The following LSAMP variants were observed in gnomAD, a reference collection of about 807,000 sequenced individuals.
LSAMP encodes limbic system associated membrane protein.
A neutral mutation model predicts 38.6 loss-of-function variants in LSAMP; 7 were observed. The ratio of observed to expected loss-of-function variants is 0.18; its 90% CI spans 0.10 to 0.34. The LOEUF is 0.34. Ranked by LOEUF, LSAMP falls within the 10% of genes least tolerant of loss-of-function variation. The pLI is 1.00. For synonymous variants in LSAMP, 154 were observed against 166.8 expected, an observed-to-expected ratio of 0.92 and a Z score of 0.59; for missense variants, 313 against 420.0, an observed-to-expected ratio of 0.75 and a Z score of 2.23.
At chr3:116,413,687 A>G (rs934480522) in intron 1 of LSAMP, among the ~76,000 whole-genome samples, 1 of 152,116 alleles carries the variant, frequency 6.6e-6, no homozygotes, top group Non-Finnish European at 1.5e-5. Context: ...GCCACTCTGC[A>G]TCAAAGGGTA....
chr3:116,019,376 T>A, intron 3 of LSAMP, 139 bp downstream of exon 3: 1 of 1,027,144 alleles, frequency 9.7e-7, no homozygotes, highest in Non-Finnish European at 1.4e-6. Context: ...AATAACAAGA[T>A]AGATGCATGA....
intron 3 of LSAMP, among the ~76,000 whole-genome samples, chr3:115,927,360 C>T (rs1469193750): frequency 6.6e-6 from 1 of 152,202 alleles, no homozygotes; most frequent in Non-Finnish European, 1.5e-5. Flanking sequence ...ATATTCACCA[C>T]ACTCTGAAAT....
rs116730219 is a variant in LSAMP at position 115,986,316 on chromosome 3, T to C, written c.514+33199A>G. Among the ~76,000 whole-genome samples the C allele has an allele frequency of 8.1e-3, 1,238 of 152,168 alleles. 18 individuals carry two copies. The highest frequency in any genetic ancestry group is 0.028 in the African/African-American group (1,143 of 41,526). Reference sequence around the variant, plus strand: ...ATGCTTGAGAGCTATTTGAGTTAACTGAGTTCAAAAGAACATTGAGCATAG... The same window carrying C: ...ATGCTTGAGAGCTATTTGAGTTAACCGAGTTCAAAAGAACATTGAGCATAG... On this transcript the variant is annotated intron_variant, in intron 3 of 6. Coordinates refer to ENST00000490035, the MANE Select transcript of LSAMP (RefSeq NM_002338.5).
At chr3:115,821,535 C>G (rs1405074565) in intron 6 of LSAMP, among the ~76,000 whole-genome samples, 1 of 148,892 alleles carries the variant, frequency 6.7e-6, no homozygotes, top group Non-Finnish European at 1.5e-5. Context: ...CCTGCTGCAG[C>G]CATTTGAAAA....
intron 3 of LSAMP, among the ~76,000 whole-genome samples, chr3:115,940,847 A>C (rs139501712): frequency 6.6e-6 from 1 of 152,258 alleles, no homozygotes; most frequent in Non-Finnish European, 1.5e-5. Context: ...TTCGTAATAT[A>C]GTTTGAAATC....
intron 1 of LSAMP, among the ~76,000 whole-genome samples, chr3:116,276,328 A>T (rs774180278): frequency 6.6e-6 from 1 of 152,258 alleles, no homozygotes; most frequent in Non-Finnish European, 1.5e-5. Flanking sequence ...ATTAGTCAAC[A>T]TTCAGAACGT....
intron 1 of LSAMP, among the ~76,000 whole-genome samples, chr3:116,399,234 T>G (rs184796235): frequency 1.2e-4 from 19 of 152,268 alleles, no homozygotes; most frequent in South Asian, 1.2e-3. Flanking sequence ...AGCAATTAAA[T>G]AATTGTAAGA....
intron 3 of LSAMP, among the ~76,000 whole-genome samples, chr3:116,013,261 A>G (rs1238264848): frequency 6.6e-6 from 1 of 152,198 alleles, no homozygotes; most frequent in African/African-American, 2.4e-5. Context: ...AATGACTTAA[A>G]GGCTGACCAT....
chr3:116,064,265 C>T (rs1430606495), intron 2 of LSAMP, among the ~76,000 whole-genome samples: 1 of 152,144 alleles, frequency 6.6e-6, no homozygotes, highest in African/African-American at 2.4e-5. Context: ...GTGGCTCACG[C>T]CTGTAATCCC....
chr3:116,293,405 A>AC lies in LSAMP; in HGVS notation c.155+151471dup, dbSNP rs1253814904. On this transcript the variant is annotated intron_variant, in intron 1 of 6. Coordinates refer to ENST00000490035, the MANE Select transcript of LSAMP (RefSeq NM_002338.5). ...GTTTTATTTTCTATTTTCATTAAAT[A>AC]CTTTTTTTTAAAGGTGAGAAACAAA... Among the ~76,000 whole-genome samples the AC allele has an allele frequency of 7.9e-5, 12 of 152,300 alleles. No homozygotes were observed. The East Asian group carries it at 2.3e-3, about 29-fold the overall frequency.
chr3:116,076,005 A>C (rs760216234), intron 2 of LSAMP, among the ~76,000 whole-genome samples: 3 of 152,150 alleles, frequency 2.0e-5, no homozygotes, highest in African/African-American at 7.2e-5. Context: ...TAAATCTTTA[A>C]GAGATCTGGT....
At chr3:116,214,954 G>A (rs151321548) in intron 1 of LSAMP, among the ~76,000 whole-genome samples, 2 of 152,184 alleles carry the variant, frequency 1.3e-5, no homozygotes, top group African/African-American at 4.8e-5. Context: ...AGAAGGACTG[G>A]AAGTTAACGA....
In LSAMP at chr3:116,222,720, C is replaced by CTTTTTTTTTTTTTTTTT. The variant is rs71141863; in HGVS notation, c.156-136181_156-136165dup. On this transcript the variant is annotated intron_variant, in intron 1 of 6. Coordinates refer to ENST00000490035, the MANE Select transcript of LSAMP (RefSeq NM_002338.5). Reference sequence around the variant, plus strand: ...TTTTTTGCTCACCTTTCATCCTCTCCTTTTTTTTTTTTTTTTTTTTTTTTT... The same window carrying CTTTTTTTTTTTTTTTTT: ...TTTTTTGCTCACCTTTCATCCTCTCCTTTTTTTTTTTTTTTTTTTTTTTTTTTTTTTTTTTTTTTTTT... 4.0e-5 allele frequency among the ~76,000 whole-genome samples: 2 copies of CTTTTTTTTTTTTTTTTT among 49,942 alleles called. 1 individual carries two copies. The highest frequency in any genetic ancestry group is 1.7e-4 in the African/African-American group (2 of 11,542). The allele number at this position is 49,942 out of a possible 152,430, so 32.8% of individuals were successfully genotyped here. A position where few individuals can be genotyped will look rare whatever the true frequency, so the allele number is the denominator to read the frequency against.
At chr3:116,117,724 T>C (rs1355953216) in intron 1 of LSAMP, among the ~76,000 whole-genome samples, 1 of 152,192 alleles carries the variant, frequency 6.6e-6, no homozygotes, top group Non-Finnish European at 1.5e-5. Flanking sequence ...GTCTAATTTT[T>C]TTTCATGATT....
In LSAMP at chr3:115,803,999, T is replaced by C. The variant is rs543136236; in HGVS notation, c.*6318A>G. The C allele has an allele frequency of 6.6e-6, 1 of 152,346 alleles. No homozygotes were observed. Among genetic ancestry groups the C allele is most frequent in the East Asian group, 1.9e-4 (1 of 5,192 alleles). 9.4% of individuals were successfully genotyped at this position (152,346 alleles called of 1,614,324 possible). A position where few individuals can be genotyped will look rare whatever the true frequency, so the allele number is the denominator to read the frequency against. ...CTTCCTATGAAAGATTATTAGAATA[T>C]AGTTCCACATTTAGGTTTTATAATA... On this transcript the variant is annotated 3_prime_UTR_variant, in exon 7 of 7. Transcript: ENST00000490035.
Position 116,006,842 on chromosome 3 carries a change from A to C in LSAMP, c.514+12673T>G, listed in dbSNP as rs997971544. Among the ~76,000 whole-genome samples, 13 of 152,198 alleles carry C rather than the reference A, an allele frequency of 8.5e-5. 1 individual carries two copies. The highest frequency in any genetic ancestry group is 5.2e-4 in the Admixed American group (8 of 15,278). On this transcript the variant is annotated intron_variant, in intron 3 of 6. Transcript: ENST00000490035. ...TGAAGCAATTTTCCTATGTTTTGAAAAATATAAAATGTCTCCTGGATTGTT... is the reference window on the plus strand; with the variant it reads ...TGAAGCAATTTTCCTATGTTTTGAACAATATAAAATGTCTCCTGGATTGTT...
At position 116,347,850 on chromosome 3, in the gene LSAMP, G is replaced by A. The variant is rs114313610; in HGVS notation, c.155+97027C>T. 4.4e-3 allele frequency among the ~76,000 whole-genome samples: 666 copies of A among 151,916 alleles called. 5 individuals are homozygous for A. The highest frequency in any genetic ancestry group is 0.015 in the African/African-American group (628 of 41,426). On this transcript the variant is annotated intron_variant, in intron 1 of 6. Transcript: ENST00000490035. ...GAATATGGCATGGTAGAAAAATATC[G>A]AATGAGAAAAGGGAAGAGGGACAAG...
At chr3:116,215,454 T>C (rs567765952) in intron 1 of LSAMP, among the ~76,000 whole-genome samples, 28 of 152,130 alleles carry the variant, frequency 1.8e-4, no homozygotes, top group African/African-American at 6.7e-4. Flanking sequence ...GGCCCGCTGC[T>C]GCAAGAAGAA....
chr3:116,427,833 C>T (rs958579698), intron 1 of LSAMP, among the ~76,000 whole-genome samples: 8 of 152,092 alleles, frequency 5.3e-5, no homozygotes, highest in African/African-American at 1.9e-4. Flanking sequence ...TTGGCAATTT[C>T]ATCAAACTCA....
Sources: gnomAD v4.1 joint callset for allele counts (sites outside exome capture counted in the v4.1 genomes callset) on GRCh38, gnomAD v4.1.1 for gene constraint, MANE v1.5 for transcripts, NCBI Gene and HGNC (gene_info 2026-07-23, HGNC 2026-07-21) for gene names.